DDX46: variants seen among roughly 807,000 people sequenced by gnomAD.
DDX46 encodes the protein probable ATP-dependent RNA helicase DDX46.
DDX46 carries 30 observed loss-of-function variants against 134.9 expected under a neutral mutation model. That is an observed-to-expected ratio of 0.22 (90% CI 0.17 to 0.30). The LOEUF (loss-of-function observed/expected upper bound fraction) is 0.30. Ranked by LOEUF, DDX46 falls within the 10% of genes least tolerant of loss-of-function variation. The pLI is 1.00. For missense variants in DDX46, 622 were observed against 1,248.7 expected, an observed-to-expected ratio of 0.50 and a Z score of 7.56; for synonymous variants, 415 against 404.1, an observed-to-expected ratio of 1.03 and a Z score of -0.32.
At chr5:134,788,279 T>C (rs2150144861) in intron 11 of DDX46, among the ~76,000 whole-genome samples, 1 of 152,176 alleles carries the variant, frequency 6.6e-6, no homozygotes, top group South Asian at 2.1e-4. Context: ...TTCTTGGTTT[T>C]GAGGGATAGT....
intron 13 of DDX46, among the ~76,000 whole-genome samples, chr5:134,792,865 C>T (rs140353188): frequency 5.9e-5 from 9 of 152,108 alleles, no homozygotes; most frequent in Non-Finnish European, 1.3e-4. Context: ...AACTGAAAAC[C>T]TGCTGGAGGC....
At chr5:134,809,521 C>G (rs970514698) in intron 16 of DDX46, among the ~76,000 whole-genome samples, 10 of 151,990 alleles carry the variant, frequency 6.6e-5, no homozygotes, top group Admixed American at 6.6e-4. Context: ...GCGTGTGCCA[C>G]CACGCCTGGC....
At chr5:134,807,017 C>T (rs1169248676) in intron 15 of DDX46, among the ~76,000 whole-genome samples, 2 of 150,392 alleles carry the variant, frequency 1.3e-5, no homozygotes, top group Admixed American at 6.6e-5. Context: ...GATTTTGATT[C>T]GGTAGTTTGG....
chr5:134,820,819 C>T (rs375664949), intron 21 of DDX46, among the ~76,000 whole-genome samples: 5 of 151,330 alleles, frequency 3.3e-5, no homozygotes, highest in African/African-American at 9.7e-5. Flanking sequence ...AAAAGATCTC[C>T]GTTAACTGCC....
intron 22 of DDX46, 24 bp downstream of exon 22, chr5:134,827,044 G>A (rs771230109): frequency 1.0e-5 from 16 of 1,592,948 alleles, no homozygotes; most frequent in South Asian, 2.3e-5. Flanking sequence ...TTAAAGTTTC[G>A]TTTGTTTTGT....
chr5:134,763,023 C>A (rs1279257911), intron 1 of DDX46, among the ~76,000 whole-genome samples: 1 of 151,744 alleles, frequency 6.6e-6, no homozygotes, highest in South Asian at 2.1e-4. Context: ...TGTGCCACTG[C>A]ACTCCAGCCT....
At position 134,829,588 on chromosome 5, in the gene DDX46, G is replaced by GTAAA. The variant is rs1189573528; in HGVS notation, c.*883_*886dup. 19 of 152,094 alleles carry GTAAA rather than the reference G, an allele frequency of 1.2e-4. No individual in the cohort carries two copies. Among genetic ancestry groups the GTAAA allele is most frequent in the African/African-American group, 4.6e-4 (19 of 41,418 alleles). The allele number at this position is 152,094 out of a possible 1,614,324, so 9.4% of individuals were successfully genotyped here. ...TTGTGAATTTTCTTTCTTAAAAATTGTAAAACATAATGGTACCCAAGTTTT... is the reference window on the plus strand; with the variant it reads ...TTGTGAATTTTCTTTCTTAAAAATTGTAAATAAAACATAATGGTACCCAAGTTTT... On this transcript the variant is annotated 3_prime_UTR_variant, in exon 23 of 23. Coordinates refer to ENST00000452510, the MANE Select transcript of DDX46 (RefSeq NM_001300860.2).
intron 6 of DDX46, among the ~76,000 whole-genome samples, chr5:134,779,077 A>T (rs1367983735): frequency 2.7e-5 from 4 of 150,752 alleles, no homozygotes; most frequent in Non-Finnish European, 5.9e-5. Flanking sequence ...TTGTATTTTT[A>T]GTGGAGATGG....
At position 134,821,452 on chromosome 5, in the gene DDX46, C is replaced by T. The variant is rs555995256; in HGVS notation, c.2977+2448C>T. Among the ~76,000 whole-genome samples, 4 of 152,070 alleles carry T rather than the reference C, an allele frequency of 2.6e-5. No homozygotes were observed. The South Asian group carries it at 8.3e-4, about 32-fold the overall frequency. ...TCTGCCTCCCAAAGTGTTGGGATTACAGGCATGAGCCACTGTGCCCCACCG... is the reference window on the plus strand; with the variant it reads ...TCTGCCTCCCAAAGTGTTGGGATTATAGGCATGAGCCACTGTGCCCCACCG... On this transcript the variant is annotated intron_variant, in intron 21 of 22. Transcript: ENST00000452510.
At chr5:134,790,666 G>T (rs1754473702) in intron 13 of DDX46, 114 bp downstream of exon 13, 2 of 860,316 alleles carry the variant, frequency 2.3e-6, no homozygotes, top group East Asian at 5.1e-5. Flanking sequence ...TCTGTTGCAC[G>T]GTAATACAGA....
At chr5:134,794,729 C>G in intron 13 of DDX46, 121 bp from the exon 14 acceptor site, 1 of 1,237,612 alleles carries the variant, frequency 8.1e-7, no homozygotes, top group Non-Finnish European at 1.1e-6. Flanking sequence ...GATTGGGAGA[C>G]TGTGGGAGTG....
At position 134,766,899 on chromosome 5, in the gene DDX46, A is replaced by C. The variant is rs1200545677; in HGVS notation, c.207-18A>C. The C allele has an allele frequency of 6.2e-7, 1 of 1,602,132 alleles. No homozygotes were observed. The highest frequency in any genetic ancestry group is 1.4e-5 in the African/African-American group (1 of 73,954). On this transcript the variant is annotated intron_variant, in intron 2 of 22. Coordinates refer to ENST00000452510, the MANE Select transcript of DDX46 (RefSeq NM_001300860.2). ...CTCCATTTGGTCATAGAATAAATGA[A>C]AAGTGTCCCCCTTTCAGACGTTCCA... is the stretch of plus-strand genomic sequence containing the variant.
intron 3 of DDX46, 56 bp from the exon 4 acceptor site, chr5:134,770,847 A>G: frequency 2.1e-6 from 3 of 1,439,922 alleles, no homozygotes; most frequent in Non-Finnish European, 2.8e-6. Context: ...TTAAAAATGA[A>G]TGTTTCTAAG....
intron 15 of DDX46, among the ~76,000 whole-genome samples, chr5:134,803,916 T>C: frequency 7.2e-6 from 1 of 138,836 alleles, no homozygotes; most frequent in South Asian, 2.8e-4. Context: ...ATGATGATTC[T>C]TCTTTTTTTT....
At position 134,781,115 on chromosome 5, in the gene DDX46, ATTTG is replaced by A. The variant is rs751972385; in HGVS notation, c.766-15_766-12del. 3.2e-6 allele frequency: 5 copies of A among 1,551,260 alleles called. No individual in the cohort carries two copies. Among genetic ancestry groups the A allele is most frequent in the African/African-American group, 1.4e-5 (1 of 71,416 alleles). ...GTTTCAGCTTTGCAAAATATTCTATATTTGTTCTTTATTTTAGAAGTCTGGGCCA... is the reference window on the plus strand; with the variant it reads ...GTTTCAGCTTTGCAAAATATTCTATATTCTTTATTTTAGAAGTCTGGGCCA... On this transcript the variant is annotated splice_polypyrimidine_tract_variant and intron_variant, in intron 6 of 22. Coordinates refer to ENST00000452510, the MANE Select transcript of DDX46 (RefSeq NM_001300860.2).
Position 134,829,091 on chromosome 5 carries a change from T to C in DDX46, c.*385T>C, listed in dbSNP as rs563972815. 2 of 155,980 alleles carry C rather than the reference T, an allele frequency of 1.3e-5. No individual in the cohort carries two copies. Among genetic ancestry groups the C allele is most frequent in the South Asian group, 2.1e-4 (1 of 4,862 alleles). The allele number at this position is 155,980 out of a possible 1,614,324, so 9.7% of individuals were successfully genotyped here. A position where few individuals can be genotyped will look rare whatever the true frequency, so the allele number is the denominator to read the frequency against. ...TTTCAATGAAATTGTGATCATTTCC[T>C]AAGAAAAGGTAAAATTCACTATCAT... On this transcript the variant is annotated 3_prime_UTR_variant, in exon 23 of 23. Coordinates refer to ENST00000452510, the MANE Select transcript of DDX46 (RefSeq NM_001300860.2).
intron 21 of DDX46, among the ~76,000 whole-genome samples, chr5:134,822,158 C>T (rs1036638971): frequency 6.6e-6 from 1 of 152,194 alleles, no homozygotes; most frequent in Admixed American, 6.5e-5. Context: ...GGATTACAGG[C>T]CTGGGCCACC....
chr5:134,784,381 G>A lies in DDX46; in HGVS notation c.1182G>A (p.Lys394=). 6.2e-7 allele frequency: 1 copy of A among 1,609,882 alleles called. No homozygotes were observed. The highest frequency in any genetic ancestry group is 1.1e-5 in the South Asian group (1 of 90,242). ...LNSLKKHGYE[K]PTPIQTQAIP... ...TCTTTTTAAGGCATGGCTATGAAAA[G>A]CCCACGCCCATCCAAACCCAAGCTA... Residue 394 remains lysine, a synonymous_variant, in exon 10 of 23, where the codon AAG becomes AAA. Coordinates refer to ENST00000452510, the MANE Select transcript of DDX46 (RefSeq NM_001300860.2).
chr5:134,764,219 C>A, intron 2 of DDX46, 127 bp downstream of exon 2: 1 of 855,432 alleles, frequency 1.2e-6, no homozygotes, highest in Non-Finnish European at 1.7e-6. Context: ...TTCTTTATCC[C>A]CTACTTGTTT....
Sources: gnomAD v4.1 joint callset for allele counts (sites outside exome capture counted in the v4.1 genomes callset) on GRCh38, gnomAD v4.1.1 for gene constraint, MANE v1.5 for transcripts, NCBI Gene and HGNC (gene_info 2026-07-23, HGNC 2026-07-21) for gene names.